The following HNRNPH1 variants were observed in gnomAD, a reference collection of about 807,000 sequenced individuals.
The protein encoded by HNRNPH1 is heterogeneous nuclear ribonucleoprotein H.
Under a neutral mutation model 58.6 loss-of-function variants are expected in HNRNPH1, and 4 were observed. The ratio of observed to expected loss-of-function variants is 0.07; its 90% CI spans 0.03 to 0.16. The LOEUF (loss-of-function observed/expected upper bound fraction) is 0.16. HNRNPH1 is among the 10% of genes least tolerant of loss of function. The pLI, the probability that HNRNPH1 is intolerant of heterozygous loss-of-function variation, is 1.00. For missense variants in HNRNPH1, 271 were observed against 564.2 expected, an observed-to-expected ratio of 0.48 and a Z score of 5.26; for synonymous variants, 192 against 189.2, an observed-to-expected ratio of 1.01 and a Z score of -0.12.
exon 13 of HNRNPH1, chr5:179,614,254 G>C (rs1004372623): frequency 1.3e-5 from 2 of 151,908 alleles, no homozygotes; most frequent in Non-Finnish European, 2.9e-5. Context: ...ACAATACAAT[G>C]AAAGATTTAA....
At position 179,619,537 on chromosome 5, in the gene HNRNPH1, T is replaced by A. The variant is rs533418073; in HGVS notation, c.398-130A>T. The A allele has an allele frequency of 2.5e-5, 18 of 722,716 alleles. No individual in the cohort carries two copies. The East Asian group carries it at 4.7e-4, about 19-fold the overall frequency. 44.8% of individuals were successfully genotyped at this position (722,716 alleles called of 1,614,324 possible). A position where few individuals can be genotyped will look rare whatever the true frequency, so the allele number is the denominator to read the frequency against. The stretch of plus-strand genomic sequence containing the variant: ...AGGTGAATGGTATGCTTTCAACAAG[T>A]ACTCTTTAAATATGCATTGCAATAA... On this transcript the variant is annotated intron_variant, in intron 3 of 12. Transcript: ENST00000356731.
At chr5:179,633,026 T>G (rs1191273564) in intron 2 of HNRNPH1, among the ~76,000 whole-genome samples, 3 of 151,686 alleles carry the variant, frequency 2.0e-5, no homozygotes, top group Non-Finnish European at 4.4e-5. Context: ...CCCAGCTAAT[T>G]TTTTGTATTT....
exon 1 of HNRNPH1, chr5:179,623,651 C>G (rs925377783): frequency 1.3e-5 from 2 of 153,166 alleles, no homozygotes; most frequent in Admixed American, 6.5e-5. Flanking sequence ...CACGCGACTT[C>G]TGCGTGGCTA....
chr5:179,621,475 C>G, intron 1 of HNRNPH1, 78 bp from the exon 3 acceptor site: 1 of 1,201,528 alleles, frequency 8.3e-7, no homozygotes. Flanking sequence ...ATGTCTATTC[C>G]ATGTCCCCAC....
chr5:179,614,677 CA>C (rs2127593197), exon 13 of HNRNPH1: 1 of 529,064 alleles, frequency 1.9e-6, no homozygotes, highest in South Asian at 2.5e-5. Context: ...GTATTGTATT[CA>C]AAAATACTGG....
chr5:179,617,807 T>C (rs201396285), exon 7 of HNRNPH1: 82 of 1,613,808 alleles, frequency 5.1e-5, no homozygotes, highest in Non-Finnish European at 6.6e-5. Context: ...ACATTATAAA[T>C]GTCATTCTCA....
intron 2 of HNRNPH1, among the ~76,000 whole-genome samples, chr5:179,632,674 G>A (rs1467406868): frequency 6.6e-6 from 1 of 152,072 alleles, no homozygotes; most frequent in Non-Finnish European, 1.5e-5. Flanking sequence ...CAACGCAGGC[G>A]GCCGGTTTTG....
chr5:179,616,394 C>G, intron 10 of HNRNPH1, 176 bp from the exon 12 acceptor site: 1 of 611,876 alleles, frequency 1.6e-6, no homozygotes, highest in Non-Finnish European at 2.9e-6. Flanking sequence ...ATCATTTGAG[C>G]CAGTCAAATA....
In HNRNPH1 at chr5:179,623,319, C is replaced by T. The variant is rs1773648485; in HGVS notation, c.-186G>A. ...ACACCTCCTCGTCCGGCGACCGGAC[C>T]CCCAAAGCTGTCCTGAGCAACAGCT... On this transcript the variant is annotated 5_prime_UTR_variant, in exon 1 of 13. Coordinates refer to ENST00000356731, the Ensembl canonical transcript of HNRNPH1. 2.1e-5 allele frequency: 10 copies of T among 467,034 alleles called. No homozygotes were observed. The East Asian group carries it at 4.0e-4, about 19-fold the overall frequency. The allele number at this position is 467,034 out of a possible 1,614,324, so 28.9% of individuals were successfully genotyped here.
intron 2 of HNRNPH1, 59 bp downstream of exon 3, chr5:179,621,183 G>A (rs1182757850): frequency 1.9e-6 from 3 of 1,544,462 alleles, no homozygotes; most frequent in African/African-American, 1.4e-5. Flanking sequence ...ATTCAGAAGG[G>A]GTGAGACCTC....
exon 1 of HNRNPH1, chr5:179,624,112 C>G (rs1000241502): frequency 6.0e-6 from 1 of 165,986 alleles, no homozygotes; most frequent in East Asian, 1.7e-4. Flanking sequence ...CGCTCCTGGC[C>G]GACCTGAAAG....
rs774108787 is a variant in HNRNPH1 at position 179,621,910 on chromosome 5, T to C, written c.98-513A>G. On this transcript the variant is annotated intron_variant, in intron 1 of 12. Coordinates refer to ENST00000356731, the Ensembl canonical transcript of HNRNPH1. ...GCACAGCTGAAGCCAAACCCAGTGT[T>C]GCCCCCTGCAAGGCGGCTTCCAGCG... 3.5e-5 allele frequency: 16 copies of C among 456,084 alleles called. 2 individuals are homozygous for C. The highest frequency in any genetic ancestry group is 2.2e-4 in the South Asian group (14 of 64,558). The allele number at this position is 456,084 out of a possible 1,614,324, so 28.3% of individuals were successfully genotyped here.
At chr5:179,616,749 A>AT (rs1401718353) in intron 10 of HNRNPH1, 120 bp downstream of exon 11, 1 of 850,804 alleles carries the variant, frequency 1.2e-6, no homozygotes, top group African/African-American at 1.7e-5. Flanking sequence ...TCAAATATCA[A>AT]GAAACTGCTT....
upstream of HNRNPH1, among the ~76,000 whole-genome samples, chr5:179,628,499 G>A (rs1358726102): frequency 6.6e-6 from 1 of 152,020 alleles, no homozygotes; most frequent in Non-Finnish European, 1.5e-5. Context: ...GTTTACAGGT[G>A]CCTGCCACCA....
intron 1 of HNRNPH1, among the ~76,000 whole-genome samples, chr5:179,622,530 G>GT (rs1170890979): frequency 6.6e-6 from 1 of 152,122 alleles, no homozygotes; most frequent in Non-Finnish European, 1.5e-5. Flanking sequence ...GGCCAAAATA[G>GT]TGAAACCCCG....
At chr5:179,620,780 G>T in intron 3 of HNRNPH1, 112 bp downstream of exon 4, 2 of 851,744 alleles carry the variant, frequency 2.3e-6, no homozygotes, top group Non-Finnish European at 1.9e-6. Context: ...TTAATTCATT[G>T]GCAATTTACA....
At chr5:179,614,686 T>C in exon 13 of HNRNPH1, 2 of 544,464 alleles carry the variant, frequency 3.7e-6, no homozygotes, top group South Asian at 2.4e-5. Context: ...TCAAAAATAC[T>C]GGGCCTTAAG....
intron 2 of HNRNPH1, among the ~76,000 whole-genome samples, chr5:179,629,756 C>T (rs146224078): frequency 2.6e-5 from 4 of 152,228 alleles, no homozygotes; most frequent in Non-Finnish European, 5.9e-5. Flanking sequence ...GGTGCAGTGG[C>T]TTACGCCTGT....
At chr5:179,630,952 A>G (rs539356961) in intron 2 of HNRNPH1, among the ~76,000 whole-genome samples, 9 of 152,202 alleles carry the variant, frequency 5.9e-5, no homozygotes, top group African/African-American at 2.2e-4. Context: ...AAAAACAAAA[A>G]CAAAAATCAA....
Sources: gnomAD v4.1 joint callset for allele counts (sites outside exome capture counted in the v4.1 genomes callset) on GRCh38, gnomAD v4.1.1 for gene constraint, MANE v1.5 for transcripts, NCBI Gene and HGNC (gene_info 2026-07-23, HGNC 2026-07-21) for gene names.